Variants in TRIM38 observed in about 807,000 individuals in gnomAD.
TRIM38 encodes the protein tripartite motif containing 38, also known as E3 ubiquitin-protein ligase TRIM38.
Under a neutral mutation model 35.8 loss-of-function variants are expected in TRIM38, and 35 were observed. The observed-to-expected ratio is 0.98, with a 90% CI of 0.75 to 1.30. The LOEUF (loss-of-function observed/expected upper bound fraction) is 1.30, where lower values mean the gene tolerates loss of function less well. TRIM38 is among the 50% of genes most tolerant of loss of function. The pLI is 0.00. For missense variants in TRIM38, 545 were observed against 556.9 expected (o/e 0.98, Z 0.21); for synonymous variants, 198 against 204.7 (o/e 0.97, Z 0.28).
Position 25,983,374 on chromosome 6 carries a change from G to C in TRIM38, c.1085G>C (p.Gly362Ala). ...GGCGAAGGAACCGGATGGGATTTAG[G>C]AGTTTGTATGGAAAATGTGCAGAGG... ...DVGEGTGWDL[G>A]VCMENVQRGT... Residue 362 changes from glycine to alanine, a missense_variant, in exon 8 of 8, where the codon GGA (glycine) becomes GCA (alanine). Coordinates refer to ENST00000357085, the MANE Select transcript of TRIM38 (RefSeq NM_006355.5). 6.2e-7 allele frequency: 1 copy of C among 1,614,070 alleles called. No individual in the cohort carries two copies.
rs1343062119 is a variant in TRIM38, at chr6:25,985,587, A to G, written c.*1900A>G. On this transcript the variant is annotated 3_prime_UTR_variant, in exon 8 of 8. Coordinates refer to ENST00000357085, the MANE Select transcript of TRIM38 (RefSeq NM_006355.5). ...TAGAAAAAAAAGATTTTTCTCCCCA[A>G]CAGAAGGATTATCGCCAGTTGCACT... 6.6e-6 allele frequency: 1 copy of G among 152,140 alleles called. No individual in the cohort carries two copies. The highest frequency in any genetic ancestry group is 2.4e-5 in the African/African-American group (1 of 41,426). The allele number at this position is 152,140 out of a possible 1,614,324, so 9.4% of individuals were successfully genotyped here.
At chr6:25,972,161 G>A in intron 5 of TRIM38, 62 bp downstream of exon 5, 2 of 1,431,008 alleles carry the variant, frequency 1.4e-6, no homozygotes, top group Non-Finnish European at 1.9e-6. Flanking sequence ...AAGGAGAATG[G>A]TAAGGAAGCA....
Position 25,966,300 on chromosome 6 carries a change from C to A in TRIM38, c.-188-35C>A, listed in dbSNP as rs181948986. The A allele has an allele frequency of 1.5e-5, 7 of 467,004 alleles. No homozygotes were observed. The Admixed American group carries it at 1.9e-4, about 13-fold the overall frequency. 28.9% of individuals were successfully genotyped at this position (467,004 alleles called of 1,614,324 possible). On this transcript the variant is annotated intron_variant, in intron 2 of 7. Coordinates refer to ENST00000357085, the MANE Select transcript of TRIM38 (RefSeq NM_006355.5). ...CTTGGGTTGCAGTTCTCAAACGTGG[C>A]CCAAACAACCTCAGCCTCAACTTCT...
chr6:25,969,756 T>G (rs530743068), intron 4 of TRIM38, among the ~76,000 whole-genome samples: 2 of 152,252 alleles, frequency 1.3e-5, no homozygotes, highest in East Asian at 3.9e-4. Flanking sequence ...TTTGCAGGCC[T>G]CAACTCATTA....
At chr6:25,983,090 A>T (rs747749183) in intron 7 of TRIM38, 74 bp from the exon 8 acceptor site, 7 of 1,422,204 alleles carry the variant, frequency 4.9e-6, no homozygotes, top group Non-Finnish European at 6.6e-6. Context: ...CCATCTCAAA[A>T]TAAAATAAAA....
intron 3 of TRIM38, among the ~76,000 whole-genome samples, chr6:25,967,898 G>A (rs962315446): frequency 6.6e-6 from 1 of 152,114 alleles, no homozygotes; most frequent in Non-Finnish European, 1.5e-5. Flanking sequence ...AAGAAAGGGA[G>A]GAGAGGGCAG....
rs187641458 is a variant in TRIM38 at position 25,983,942 on chromosome 6, T to C, written c.*255T>C. ...GTATGTTGCTGTCTCCATCCGTCTTTAATGGGTCAGGGCTTTGATTTCCAA... is the reference window on the plus strand; with the variant it reads ...GTATGTTGCTGTCTCCATCCGTCTTCAATGGGTCAGGGCTTTGATTTCCAA... On this transcript the variant is annotated 3_prime_UTR_variant, in exon 8 of 8. Coordinates refer to ENST00000357085, the MANE Select transcript of TRIM38 (RefSeq NM_006355.5). 7.8e-6 allele frequency: 3 copies of C among 383,628 alleles called. No homozygotes were observed. Among genetic ancestry groups the C allele is most frequent in the Admixed American group, 8.6e-5 (2 of 23,252 alleles). The allele number at this position is 383,628 out of a possible 1,614,324, so 23.8% of individuals were successfully genotyped here. A position where few individuals can be genotyped will look rare whatever the true frequency, so the allele number is the denominator to read the frequency against.
In TRIM38 at chr6:25,966,780, G is replaced by C; in HGVS notation, c.258G>C (p.Glu86Asp). 2 of 1,614,190 alleles carry C rather than the reference G, an allele frequency of 1.2e-6. No homozygotes were observed. Among genetic ancestry groups the C allele is most frequent in the Non-Finnish European group, 1.7e-6 (2 of 1,180,038 alleles). Residue 86 changes from glutamate to aspartate, a missense_variant, in exon 3 of 8, where the codon GAG becomes GAC. Coordinates refer to ENST00000357085, the MANE Select transcript of TRIM38 (RefSeq NM_006355.5). ...GAAGCCTCATTGAAGCCCTCAAAGA[G>C]ACGGATCAAGAAATGTCATGTGAGG... ...QLGSLIEALK[E>D]TDQEMSCEEH...
At chr6:25,982,425 G>T (rs1760570041) in intron 7 of TRIM38, among the ~76,000 whole-genome samples, 1 of 152,030 alleles carries the variant, frequency 6.6e-6, no homozygotes, top group Non-Finnish European at 1.5e-5. Context: ...AATAGTGTGG[G>T]CTCCCAGAGC....
chr6:25,971,745 C>A, intron 4 of TRIM38, 124 bp from the exon 5 acceptor site: 1 of 816,562 alleles, frequency 1.2e-6, no homozygotes, highest in Non-Finnish European at 1.9e-6. Context: ...GCTTATTTTG[C>A]TTGAATGTCT....
In TRIM38 at chr6:25,990,635, A is replaced by G. The variant is rs528677452; in HGVS notation, c.*6948A>G. On this transcript the variant is annotated 3_prime_UTR_variant, in exon 8 of 8. Coordinates refer to ENST00000357085, the MANE Select transcript of TRIM38 (RefSeq NM_006355.5). Reference sequence around the variant, plus strand: ...CTTATTTTTAATTCTAAAATAATTTATAATAATAAATATTAACAATTAGAT... The same window carrying G: ...CTTATTTTTAATTCTAAAATAATTTGTAATAATAAATATTAACAATTAGAT... 1 of 151,896 alleles carries G rather than the reference A, an allele frequency of 6.6e-6. No individual in the cohort carries two copies. The highest frequency in any genetic ancestry group is 2.1e-4 in the South Asian group (1 of 4,828). The allele number at this position is 151,896 out of a possible 1,614,324, so 9.4% of individuals were successfully genotyped here.
chr6:25,965,714 A>G (rs189911), intron 2 of TRIM38, among the ~76,000 whole-genome samples: 112,885 of 151,466 alleles, frequency 0.75, 42,263 homozygotes, highest in East Asian at 0.87. Flanking sequence ...TCACAAGGTC[A>G]AGAGATCGAG....
intron 4 of TRIM38, 115 bp from the exon 5 acceptor site, chr6:25,971,754 C>A: frequency 2.2e-6 from 2 of 907,880 alleles, no homozygotes; most frequent in Non-Finnish European, 1.7e-6. Context: ...GCTTGAATGT[C>A]TTCAAGGCTT....
chr6:25,964,903 C>A (rs1561894916), intron 2 of TRIM38, among the ~76,000 whole-genome samples: 2 of 151,908 alleles, frequency 1.3e-5, no homozygotes, highest in African/African-American at 4.8e-5. Flanking sequence ...CCTCCCCCTC[C>A]GGAGCTCAAG....
chr6:25,969,040 C>A (rs897657260), intron 3 of TRIM38, among the ~76,000 whole-genome samples: 2 of 152,236 alleles, frequency 1.3e-5, no homozygotes, highest in Non-Finnish European at 2.9e-5. Context: ...GTTGCTCCAC[C>A]ACCTGGCAGT....
chr6:25,966,925 G>T lies in TRIM38; in HGVS notation c.403G>T (p.Gly135Cys). Reference sequence around the variant, plus strand: ...AGCTCTTGTTGAAGACGTATGCCAGGGCTACAAGGTGAGTGTGTGGGCCCG... The same window carrying T: ...AGCTCTTGTTGAAGACGTATGCCAGTGCTACAAGGTGAGTGTGTGGGCCCG... ...TTALVEDVCQ[G>C]YKEKLQKAVT... is the part of the protein sequence containing the mutation. Residue 135 changes from glycine to cysteine, a missense_variant, in exon 3 of 8, where the codon GGC (glycine) becomes TGC (cysteine). Coordinates refer to ENST00000357085, the MANE Select transcript of TRIM38 (RefSeq NM_006355.5). The T allele has an allele frequency of 5.0e-6, 8 of 1,602,782 alleles. No homozygotes were observed. In the Admixed American group the frequency reaches 8.4e-5, roughly 17 times the overall value.
chr6:25,975,592 T>TA, intron 7 of TRIM38: 2 of 980,622 alleles, frequency 2.0e-6, no homozygotes, highest in Non-Finnish European at 2.4e-6. Context: ...ATGCAACAAA[T>TA]ACATTTTAAT....
chr6:25,983,636 T>C lies in TRIM38; in HGVS notation c.1347T>C (p.Tyr449=). The C allele has an allele frequency of 6.2e-7, 1 of 1,611,820 alleles. No homozygotes were observed. The highest frequency in any genetic ancestry group is 8.5e-7 in the Non-Finnish European group (1 of 1,179,306). ...KASFSDTLRP[Y]FQVYQYSPLF... is the part of the protein sequence containing the mutation. ...CCTTCTCTGATACTCTCCGGCCCTA[T>C]TTCCAGGTTTATCAATATTCTCCTT... The change falls in exon 8 of 8, where the codon TAT becomes TAC. Residue 449 remains tyrosine (Y), a synonymous_variant. Transcript: ENST00000357085.
chr6:25,983,240 A>T lies in TRIM38; in HGVS notation c.951A>T (p.Gly317=). The T allele has an allele frequency of 6.2e-7, 1 of 1,614,140 alleles. No homozygotes were observed. Among genetic ancestry groups the T allele is most frequent in the Non-Finnish European group, 8.5e-7 (1 of 1,179,992 alleles). ...AGGATCGGAGACAAGTGACTCGTGG[A>T]TACACCCAGGAGAATCAGGACACAT... ...LSEDRRQVTR[G]YTQENQDTSS... The change falls in exon 8 of 8, where the codon GGA becomes GGT. Residue 317 remains glycine (G), a synonymous_variant. Coordinates refer to ENST00000357085, the MANE Select transcript of TRIM38 (RefSeq NM_006355.5).
Sources: allele counts gnomAD v4.1 joint callset (sites outside exome capture counted in the v4.1 genomes callset), GRCh38; gene constraint gnomAD v4.1.1; transcripts MANE v1.5; gene names NCBI Gene and HGNC (gene_info 2026-07-23, HGNC 2026-07-21).